YEATS2: variants seen among roughly 807,000 people sequenced by gnomAD.
The protein encoded by YEATS2 is YEATS domain containing 2.
Under a neutral mutation model 163.2 loss-of-function variants are expected in YEATS2, and 77 were observed. The observed-to-expected ratio is 0.47, with a 90% CI of 0.39 to 0.57. The LOEUF (loss-of-function observed/expected upper bound fraction) is 0.57. Ranked by LOEUF, YEATS2 falls within the 20% of genes least tolerant of loss-of-function variation. The pLI, the probability that YEATS2 is intolerant of heterozygous loss-of-function variation, is 0.00. For synonymous variants in YEATS2, 631 were observed against 645.1 expected (o/e 0.98, Z 0.33); for missense variants, 1,549 against 1,729.8 (o/e 0.90, Z 1.85).
chr3:183,762,056 G>A (rs755875618), intron 14 of YEATS2, 41 bp from the exon 15 acceptor site: 1 of 1,613,234 alleles, frequency 6.2e-7, no homozygotes, highest in Non-Finnish European at 8.5e-7. Flanking sequence ...AAAATGGGAT[G>A]TTTATGGATG....
intron 15 of YEATS2, among the ~76,000 whole-genome samples, chr3:183,769,698 A>T (rs1234660275): frequency 2.0e-5 from 3 of 152,056 alleles, no homozygotes; most frequent in African/African-American, 7.2e-5. Flanking sequence ...TTTTCATTTT[A>T]TTTATTTATT....
At chr3:183,780,639 A>C (rs184269450) in intron 19 of YEATS2, among the ~76,000 whole-genome samples, 20 of 152,294 alleles carry the variant, frequency 1.3e-4, no homozygotes, top group African/African-American at 4.8e-4. Flanking sequence ...TATGCAGTGA[A>C]CTCTGGCAGC....
At chr3:183,722,278 C>CTTTTTTTTTTTTTTTTTTTTTTTTTTT (rs200048624) in intron 5 of YEATS2, 142 bp downstream of exon 5, 1 of 289,402 alleles carries the variant, frequency 3.5e-6, no homozygotes, top group African/African-American at 4.6e-5. Context: ...GAAACCAAAT[C>CTTTTTTTTTTTTTTTTTTTTTTTTTTT]TTTTTTTTTT....
At chr3:183,797,269 GAAA>G (rs1167929691) in intron 21 of YEATS2, among the ~76,000 whole-genome samples, 1 of 72,610 alleles carries the variant, frequency 1.4e-5, no homozygotes, top group Non-Finnish European at 2.7e-5. Context: ...ATCCAACTCT[GAAA>G]AAAAAAAAAA....
intron 21 of YEATS2, among the ~76,000 whole-genome samples, chr3:183,795,836 C>A (rs1057357548): frequency 6.6e-6 from 1 of 152,100 alleles, no homozygotes; most frequent in Non-Finnish European, 1.5e-5. Context: ...GTATTACTAC[C>A]TGATGATTTA....
At chr3:183,743,080 CAG>C (rs1395972943) in intron 8 of YEATS2, among the ~76,000 whole-genome samples, 6 of 152,156 alleles carry the variant, frequency 3.9e-5, no homozygotes, top group Admixed American at 3.9e-4. Context: ...CACTGGGAAA[CAG>C]ATTCATTGTG....
intron 8 of YEATS2, among the ~76,000 whole-genome samples, chr3:183,745,944 G>A (rs527367251): frequency 4.6e-5 from 7 of 152,238 alleles, no homozygotes; most frequent in Non-Finnish European, 8.8e-5. Context: ...CAATCCTCCC[G>A]CATCATCCTC....
intron 19 of YEATS2, among the ~76,000 whole-genome samples, chr3:183,778,135 A>G (rs999421003): frequency 3.3e-5 from 5 of 151,426 alleles, no homozygotes; most frequent in East Asian, 1.9e-4. Flanking sequence ...AAAAGAAAAA[A>G]AAAGAAAAAA....
At chr3:183,789,567 G>T (rs185120920) in intron 20 of YEATS2, among the ~76,000 whole-genome samples, 6 of 106,170 alleles carry the variant, frequency 5.7e-5, no homozygotes, top group African/African-American at 2.4e-4. Flanking sequence ...ACAGAGTCTC[G>T]CTCTGTCACC....
chr3:183,764,368 TAA>T (rs11452949), intron 15 of YEATS2, among the ~76,000 whole-genome samples: 74 of 105,210 alleles, frequency 7.0e-4, no homozygotes, highest in East Asian at 2.9e-3. Context: ...AAACTCTGTT[TAA>T]AAAAAAAAAA....
rs72591968 is a variant in YEATS2 at position 183,785,365 on chromosome 3, G to GT, written c.2737-759dup. Among the ~76,000 whole-genome samples the GT allele has an allele frequency of 0.012, 1,733 of 150,300 alleles. 62 individuals are homozygous for GT. The East Asian group carries it at 0.15, about 13-fold the overall frequency. On this transcript the variant is annotated intron_variant, in intron 19 of 30. Coordinates refer to ENST00000305135, the MANE Select transcript of YEATS2 (RefSeq NM_018023.5). ...TAGTTGGGCGTGGTGGCACGTGCCT[G>GT]TAAGTCCTAGCTACTCGGGAGGCTG...
intron 18 of YEATS2, among the ~76,000 whole-genome samples, chr3:183,777,021 T>C (rs1344836770): frequency 1.3e-5 from 2 of 152,016 alleles, no homozygotes. Context: ...ATTTCTACTA[T>C]GCTAATTGCC....
intron 15 of YEATS2, among the ~76,000 whole-genome samples, chr3:183,763,607 G>A (rs561358714): frequency 1.2e-4 from 18 of 152,270 alleles, no homozygotes; most frequent in African/African-American, 4.3e-4. Flanking sequence ...TTCCTTGGGA[G>A]CATTACAGCT....
At chr3:183,751,884 T>G (rs1720200445) in intron 9 of YEATS2, among the ~76,000 whole-genome samples, 189 bp from the exon 10 acceptor site, 1 of 152,216 alleles carries the variant, frequency 6.6e-6, no homozygotes, top group Non-Finnish European at 1.5e-5. Context: ...TTCACTGAGG[T>G]ATGTGTCTGT....
In YEATS2 at chr3:183,712,399, C is replaced by T. The variant is rs142731686; in HGVS notation, c.-19-2745C>T. Among the ~76,000 whole-genome samples the T allele has an allele frequency of 5.8e-4, 87 of 151,000 alleles. 1 individual carries two copies. Among genetic ancestry groups the T allele is most frequent in the African/African-American group, 2.1e-3 (86 of 41,088 alleles). On this transcript the variant is annotated intron_variant, in intron 1 of 30. Transcript: ENST00000305135. ...AATTTTTTTGTATTTTTAGTAGAGACGAGGTTTCACCATGTTGGCCAGCCT... is the reference window on the plus strand; with the variant it reads ...AATTTTTTTGTATTTTTAGTAGAGATGAGGTTTCACCATGTTGGCCAGCCT...
In YEATS2 at chr3:183,718,408, T is replaced by TC. The variant is rs942202878; in HGVS notation, c.199-91dup. 5.5e-6 allele frequency: 5 copies of TC among 905,866 alleles called. No individual in the cohort carries two copies. The African/African-American group carries it at 6.9e-5, about 12-fold the overall frequency. 56.1% of individuals were successfully genotyped at this position (905,866 alleles called of 1,614,324 possible). A position where few individuals can be genotyped will look rare whatever the true frequency, so the allele number is the denominator to read the frequency against. On this transcript the variant is annotated intron_variant, in intron 3 of 30. Transcript: ENST00000305135. ...GTTAGAGAAGTTGAGCTTTTTTTTT[T>TC]CACTCATTCACGTTTCTTATTTTGT...
chr3:183,791,300 GC>G, intron 21 of YEATS2, among the ~76,000 whole-genome samples: 1 of 152,332 alleles, frequency 6.6e-6, no homozygotes, highest in East Asian at 1.9e-4. Flanking sequence ...CTCCCAAAGT[GC>G]TGGGATTACA....
intron 18 of YEATS2, among the ~76,000 whole-genome samples, chr3:183,777,257 C>T (rs1417397392): frequency 6.6e-6 from 1 of 152,142 alleles, no homozygotes; most frequent in African/African-American, 2.4e-5. Flanking sequence ...AAGATGATAT[C>T]AGTCTGAATG....
chr3:183,752,168 G>A lies in YEATS2; in HGVS notation c.1065G>A (p.Leu355=), dbSNP rs201138371. Residue 355 remains leucine (L), a synonymous_variant, in exon 10 of 31, where the codon TTG becomes TTA. Transcript: ENST00000305135. Reference sequence around the variant, plus strand: ...ACATCTCTGATGCCCCTCCATCTTTGCCTTTGACCATTCCAGCCCCAGTGA... The same window carrying A: ...ACATCTCTGATGCCCCTCCATCTTTACCTTTGACCATTCCAGCCCCAGTGA... ...ESDISDAPPS[L]PLTIPAPVKA... is the part of the protein sequence containing the mutation. 6.2e-7 allele frequency: 1 copy of A among 1,613,904 alleles called. No individual in the cohort carries two copies. Among genetic ancestry groups the A allele is most frequent in the Non-Finnish European group, 8.5e-7 (1 of 1,180,004 alleles).
Sources: allele counts gnomAD v4.1 joint callset (sites outside exome capture counted in the v4.1 genomes callset), GRCh38; gene constraint gnomAD v4.1.1; transcripts MANE v1.5; gene names NCBI Gene and HGNC (gene_info 2026-07-23, HGNC 2026-07-21).